The following CNN1 variants were observed in gnomAD, a reference collection of about 807,000 sequenced individuals.
CNN1 encodes calponin 1.
A neutral mutation model predicts 35.3 loss-of-function variants in CNN1; 21 were observed. The observed-to-expected ratio is 0.60, with a 90% CI of 0.42 to 0.86. CNN1 has a LOEUF of 0.86. Among genes scored for constraint, CNN1 ranks in the 40% least tolerant of loss-of-function variants. The pLI is 0.00. For missense variants in CNN1, 314 were observed against 400.8 expected (o/e 0.78, Z 1.85); for synonymous variants, 164 against 161.8 (o/e 1.01, Z -0.10).
chr19:11,543,668 A>G (rs1972514976), intron 2 of CNN1, among the ~76,000 whole-genome samples: 1 of 151,142 alleles, frequency 6.6e-6, no homozygotes, highest in African/African-American at 2.4e-5. Context: ...TTGTAGTCCC[A>G]GCTACTCGGG....
chr19:11,546,950 T>G lies in CNN1; in HGVS notation c.371T>G (p.Leu124Arg). The change falls in exon 4 of 7, where the codon CTC becomes CGC. Residue 124 changes from leucine (L) to arginine (R), a missense_variant. Physicochemically the swap from Leu to Arg is moderately radical, Grantham distance 102. Transcript: ENST00000252456. ...NTNHTQVQST[L>R]LALASMAKTK... ...AACCATACACAGGTGCAGTCCACCC[T>G]CCTGGCTTTGGCCAGCATGGTGAGT... 6.2e-7 allele frequency: 1 copy of G among 1,614,204 alleles called. No individual in the cohort carries two copies. The highest frequency in any genetic ancestry group is 8.5e-7 in the Non-Finnish European group (1 of 1,180,036).
intron 2 of CNN1, chr19:11,541,827 A>T (rs1261878643): frequency 6.6e-6 from 1 of 151,640 alleles, no homozygotes; most frequent in Non-Finnish European, 1.5e-5. Flanking sequence ...TCCTGACCTC[A>T]ATTGATCCAC....
intron 2 of CNN1, among the ~76,000 whole-genome samples, chr19:11,541,414 G>T (rs1972459654): frequency 6.6e-6 from 1 of 152,170 alleles, no homozygotes. Context: ...CAAGGGAAAT[G>T]ACTCTAGAAT....
Position 11,547,921 on chromosome 19 carries a change from C to T in CNN1, c.501+14C>T, listed in dbSNP as rs773239759. The T allele has an allele frequency of 1.9e-6, 3 of 1,608,190 alleles. No homozygotes were observed. The highest frequency in any genetic ancestry group is 1.7e-5 in the Admixed American group (1 of 59,488). Reference sequence around the variant, plus strand: ...ATTGGGCTGCAGGTACCGCCCTGTCCTCACTGCGCAGAGGTCATAGAGGCC... The same window carrying T: ...ATTGGGCTGCAGGTACCGCCCTGTCTTCACTGCGCAGAGGTCATAGAGGCC... On this transcript the variant is annotated intron_variant, in intron 5 of 6. Coordinates refer to ENST00000252456, the MANE Select transcript of CNN1 (RefSeq NM_001299.6).
intron 1 of CNN1, 110 bp from the exon 2 acceptor site, chr19:11,540,966 G>C (rs1972448079): frequency 1.6e-6 from 2 of 1,242,206 alleles, no homozygotes; most frequent in Admixed American, 3.1e-5. Flanking sequence ...AGTTGGGAAG[G>C]ACGAGGGAGA....
chr19:11,545,182 C>A (rs1445925812), intron 2 of CNN1, among the ~76,000 whole-genome samples: 1 of 147,130 alleles, frequency 6.8e-6, no homozygotes, highest in Non-Finnish European at 1.5e-5. Flanking sequence ...GCCTGAGTGA[C>A]AGAGCAAGAC....
At chr19:11,541,903 T>G (rs1044152733) in intron 2 of CNN1, 7 of 145,986 alleles carry the variant, frequency 4.8e-5, no homozygotes, top group African/African-American at 1.3e-4. Context: ...AATTTTTGTT[T>G]TTTTTTTTTT....
In CNN1 at chr19:11,550,141, C is replaced by A; in HGVS notation, c.*346C>A. ...CCCAGCAAAGCCCCCAGAGCCCAGG[C>A]TCGGCCTGCCCCCACCCCATTCCCG... On this transcript the variant is annotated 3_prime_UTR_variant, in exon 7 of 7. Coordinates refer to ENST00000252456, the MANE Select transcript of CNN1 (RefSeq NM_001299.6). 3.9e-6 allele frequency: 1 copy of A among 254,548 alleles called. No individual in the cohort carries two copies. 15.8% of individuals were successfully genotyped at this position (254,548 alleles called of 1,614,324 possible).
rs1599609136 is a variant in CNN1, at chr19:11,546,976, G to A, written c.390+7G>A. ...CCTGGCTTTGGCCAGCATGGTGAGT[G>A]TGGTTGCAGGCTGGGCAGGGGGTGG... On this transcript the variant is annotated splice_region_variant and intron_variant, in intron 4 of 6. Transcript: ENST00000252456. 8 of 1,614,158 alleles carry A rather than the reference G, an allele frequency of 5.0e-6. No homozygotes were observed. Among genetic ancestry groups the A allele is most frequent in the East Asian group, 2.2e-5 (1 of 44,888 alleles).
At chr19:11,543,519 G>T (rs953214285) in intron 2 of CNN1, among the ~76,000 whole-genome samples, 1 of 150,662 alleles carries the variant, frequency 6.6e-6, no homozygotes, top group East Asian at 1.9e-4. Flanking sequence ...GGTGACTCAC[G>T]TCTGTAATCC....
intron 4 of CNN1, 117 bp from the exon 5 acceptor site, chr19:11,547,680 T>C (rs1011243206): frequency 4.0e-6 from 3 of 758,404 alleles, no homozygotes; most frequent in Admixed American, 2.7e-5. Context: ...GCCACTGCAC[T>C]CCAGCCTGGG....
chr19:11,547,401 AAAAAAAC>A (rs1315197675), intron 4 of CNN1, among the ~76,000 whole-genome samples: 34 of 151,002 alleles, frequency 2.3e-4, no homozygotes, highest in African/African-American at 6.1e-4. Context: ...TCTCAAAAAA[AAAAAAAC>A]AAAAAACAAA....
chr19:11,546,335 C>T (rs1054469556), intron 2 of CNN1, among the ~76,000 whole-genome samples: 1 of 149,456 alleles, frequency 6.7e-6, no homozygotes, highest in African/African-American at 2.5e-5. Context: ...TGGGGGACAC[C>T]TTTCTTTCTT....
At chr19:11,541,908 T>TG (rs1021614473) in intron 2 of CNN1, 6 of 150,210 alleles carry the variant, frequency 4.0e-5, no homozygotes, top group African/African-American at 1.5e-4. Flanking sequence ...TTGTTTTTTT[T>TG]TTTTTTTTTT....
chr19:11,539,652 G>C (rs572167601), intron 1 of CNN1: 2 of 694,788 alleles, frequency 2.9e-6, no homozygotes, highest in Non-Finnish European at 4.5e-6. Context: ...TAAGTTTCCA[G>C]CCCACTGGAA....
chr19:11,543,676 G>C (rs149486144), intron 2 of CNN1, among the ~76,000 whole-genome samples: 9 of 151,278 alleles, frequency 5.9e-5, no homozygotes, highest in African/African-American at 2.2e-4. Flanking sequence ...CCAGCTACTC[G>C]GGAGGCTGAG....
At chr19:11,539,980 A>C in intron 1 of CNN1, 1 of 1,060,564 alleles carries the variant, frequency 9.4e-7, no homozygotes, top group Non-Finnish European at 1.1e-6. Context: ...TTGCTTTATA[A>C]AGCCGGGCTG....
intron 2 of CNN1, among the ~76,000 whole-genome samples, chr19:11,545,798 CA>C (rs1030710214): frequency 0.15 from 9,098 of 58,762 alleles, 618 homozygotes; most frequent in African/African-American, 0.32. Flanking sequence ...CCCTCTCTAC[CA>C]AAAAAAAAAA....
intron 2 of CNN1, among the ~76,000 whole-genome samples, chr19:11,545,945 G>C (rs552457155): frequency 6.6e-6 from 1 of 151,036 alleles, no homozygotes; most frequent in Non-Finnish European, 1.5e-5. Context: ...CAGCCTGGGC[G>C]ACAAAGCCAC....
Sources: gnomAD v4.1 joint callset for allele counts (sites outside exome capture counted in the v4.1 genomes callset) on GRCh38, gnomAD v4.1.1 for gene constraint, MANE v1.5 for transcripts, NCBI Gene and HGNC (gene_info 2026-07-23, HGNC 2026-07-21) for gene names.